The following PKD1L1 variants were observed in gnomAD, a reference collection of about 807,000 sequenced individuals.
PKD1L1 encodes the protein polycystin 1 like 1, transient receptor potential channel interacting.
A neutral mutation model predicts 323.4 loss-of-function variants in PKD1L1; 236 were observed. That is an observed-to-expected ratio of 0.73 (90% CI 0.66 to 0.81). PKD1L1 has a LOEUF of 0.81. PKD1L1 is among the 40% of genes least tolerant of loss of function. The pLI, the probability that PKD1L1 is intolerant of heterozygous loss-of-function variation, is 0.00. For missense variants in PKD1L1, 3,320 were observed against 3,508.0 expected (o/e 0.95, Z 1.35); for synonymous variants, 1,344 against 1,335.0 (o/e 1.01, Z -0.15).
intron 50 of PKD1L1, among the ~76,000 whole-genome samples, chr7:47,810,904 G>A (rs1057197089): frequency 7.2e-5 from 11 of 152,128 alleles, no homozygotes; most frequent in Non-Finnish European, 1.5e-4. Flanking sequence ...GTGGGGATGG[G>A]GCTCCTAAGG....
rs1445069219 is a variant in PKD1L1 at position 47,842,997 on chromosome 7, T to C, written c.5410A>G (p.Thr1804Ala). The part of the protein sequence containing the change: ...GHQLYAVVID[T>A]GFRAPARLTS... Reference sequence around the variant, plus strand: ...AACCTGGCCGGAGCTCGGAAGCCAGTGTCAATGACGACCGCATATAGCTGA... The same window carrying C: ...AACCTGGCCGGAGCTCGGAAGCCAGCGTCAATGACGACCGCATATAGCTGA... Residue 1804 changes from threonine to alanine, a missense_variant, in exon 34 of 57, where the codon ACT (threonine) becomes GCT (alanine). Transcript: ENST00000289672. The C allele has an allele frequency of 4.3e-6, 7 of 1,613,770 alleles. No individual in the cohort carries two copies. In the East Asian group the frequency reaches 1.1e-4, roughly 26 times the overall value.
In PKD1L1 at chr7:47,842,959, T is replaced by C; in HGVS notation, c.5445+3A>G. Reference sequence around the variant, plus strand: ...AAAGAGTACCCCCAGATGCTCGAGCTACCTTTGAGGTCAACCTGGCCGGAG... The same window carrying C: ...AAAGAGTACCCCCAGATGCTCGAGCCACCTTTGAGGTCAACCTGGCCGGAG... On this transcript the variant is annotated splice_donor_region_variant and intron_variant, in intron 34 of 56. Transcript: ENST00000289672. 6.2e-7 allele frequency: 1 copy of C among 1,610,180 alleles called. No individual in the cohort carries two copies. The highest frequency in any genetic ancestry group is 8.5e-7 in the Non-Finnish European group (1 of 1,178,268).
intron 4 of PKD1L1, among the ~76,000 whole-genome samples, chr7:47,934,994 C>T (rs1196577408): frequency 6.6e-6 from 1 of 152,102 alleles, no homozygotes; most frequent in Non-Finnish European, 1.5e-5. Flanking sequence ...AATGAGCTCC[C>T]GCAGAGGGAG....
chr7:47,815,490 C>G (rs1447349269), intron 46 of PKD1L1, 33 bp from the exon 47 acceptor site: 1 of 1,605,558 alleles, frequency 6.2e-7, no homozygotes, highest in Non-Finnish European at 8.5e-7. Flanking sequence ...AAAGTTGCTT[C>G]TGCATCAACA....
chr7:47,922,754 G>C (rs904067800), intron 7 of PKD1L1, among the ~76,000 whole-genome samples: 1 of 151,788 alleles, frequency 6.6e-6, no homozygotes, highest in African/African-American at 2.4e-5. Flanking sequence ...TGGGGAGGTG[G>C]GGGGCAGCCC....
At chr7:47,835,785 C>T (rs1365305266) in intron 37 of PKD1L1, among the ~76,000 whole-genome samples, 2 of 152,088 alleles carry the variant, frequency 1.3e-5, no homozygotes, top group African/African-American at 4.8e-5. Flanking sequence ...ATGATGGATA[C>T]AAGCAGAAGG....
At position 47,811,948 on chromosome 7, in the gene PKD1L1, G is replaced by A; in HGVS notation, c.7450C>T (p.Gln2484Ter). The A allele has an allele frequency of 6.2e-7, 1 of 1,603,808 alleles. No homozygotes were observed. Among genetic ancestry groups the A allele is most frequent in the Non-Finnish European group, 8.5e-7 (1 of 1,175,330 alleles). The change falls in exon 50 of 57, where the codon CAA (glutamine) becomes TAA (stop). Residue 2484 changes from glutamine to a stop codon, truncating the protein, a stop_gained. Coordinates refer to ENST00000289672, the MANE Select transcript of PKD1L1 (RefSeq NM_138295.5). LOFTEE classifies it high-confidence loss of function. The stretch of plus-strand genomic sequence containing the variant: ...CTCAGGGACACGCTGGTGAAGAGTT[G>A]GGTTGGAGGGTTATAGAGAGTGAAG... ...VHFTLYNPPT[Q>*]LFTSVSLRVE...
intron 56 of PKD1L1, among the ~76,000 whole-genome samples, chr7:47,786,787 C>T (rs1786816959): frequency 6.6e-6 from 1 of 152,184 alleles, no homozygotes. Flanking sequence ...AGGGCAAGAG[C>T]TCGGAGGTCC....
intron 7 of PKD1L1, among the ~76,000 whole-genome samples, chr7:47,926,641 G>C (rs1787660917): frequency 6.6e-6 from 1 of 152,142 alleles, no homozygotes; most frequent in Non-Finnish European, 1.5e-5. Flanking sequence ...ATACTAGTCA[G>C]TGTGAGTCTA....
At chr7:47,931,790 G>A in intron 5 of PKD1L1, 146 bp downstream of exon 5, 6 of 1,072,358 alleles carry the variant, frequency 5.6e-6, no homozygotes, top group Non-Finnish European at 8.0e-6. Flanking sequence ...AACTGCCTGA[G>A]CAGTGTCCAA....
chr7:47,915,308 G>T (rs867199010), intron 8 of PKD1L1, 124 bp downstream of exon 8: 42 of 614,578 alleles, frequency 6.8e-5, no homozygotes, highest in Middle Eastern at 8.4e-4. Flanking sequence ...ACAGGACACC[G>T]TAGCCCATAG....
intron 15 of PKD1L1, among the ~76,000 whole-genome samples, chr7:47,891,085 C>T (rs138839055): frequency 6.6e-6 from 1 of 152,166 alleles, no homozygotes; most frequent in South Asian, 2.1e-4. Flanking sequence ...TGCCACTTCC[C>T]AAGTCACACA....
intron 13 of PKD1L1, among the ~76,000 whole-genome samples, chr7:47,900,659 T>C (rs1787066342): frequency 6.6e-6 from 1 of 151,810 alleles, no homozygotes; most frequent in African/African-American, 2.4e-5. Flanking sequence ...ACCCAGGGGG[T>C]GGAGACTGCA....
chr7:47,902,309 A>T, intron 13 of PKD1L1, 70 bp downstream of exon 13: 1 of 1,568,718 alleles, frequency 6.4e-7, no homozygotes. Flanking sequence ...TCACCACTCC[A>T]AACAGTGGTC....
In PKD1L1 at chr7:47,858,662, G is replaced by C. The variant is rs777015337; in HGVS notation, c.4362+11C>G. On this transcript the variant is annotated intron_variant, in intron 27 of 56. Transcript: ENST00000289672. The stretch of plus-strand genomic sequence containing the variant: ...CAGTATTTTTATGGATGGAGAAAAA[G>C]TGTGACTTACCAACAATAAATCTGA... 2.5e-6 allele frequency: 4 copies of C among 1,600,244 alleles called. No homozygotes were observed. The highest frequency in any genetic ancestry group is 2.2e-5 in the East Asian group (1 of 44,780).
At chr7:47,825,281 G>A (rs1212469277) in intron 45 of PKD1L1, among the ~76,000 whole-genome samples, 4 of 150,808 alleles carry the variant, frequency 2.7e-5, no homozygotes, top group Non-Finnish European at 6.0e-5. Flanking sequence ...TATAATCCCA[G>A]CACTTTGGGA....
chr7:47,886,146 T>C lies in PKD1L1; in HGVS notation c.2837-92A>G, dbSNP rs12667012. On this transcript the variant is annotated intron_variant, in intron 17 of 56. Transcript: ENST00000289672. The stretch of plus-strand genomic sequence containing the variant: ...TACAGACTATGTAAGGATGCTATAT[T>C]ATAAACAAATCTGTTGTGAATTTGA... The C allele has an allele frequency of 3.2e-4, 461 of 1,452,110 alleles. 1 individual carries two copies. In the East Asian group the frequency reaches 0.01, roughly 33 times the overall value. 90.0% of individuals were successfully genotyped at this position (1,452,110 alleles called of 1,614,324 possible).
intron 37 of PKD1L1, 88 bp from the exon 38 acceptor site, chr7:47,835,331 T>C: frequency 2.7e-6 from 2 of 747,084 alleles, no homozygotes; most frequent in Non-Finnish European, 2.2e-6. Context: ...ATACATGTAA[T>C]GTGAATACAT....
chr7:47,778,886 T>G (rs757477397), intron 56 of PKD1L1, among the ~76,000 whole-genome samples: 3 of 152,186 alleles, frequency 2.0e-5, no homozygotes, highest in Non-Finnish European at 4.4e-5. Flanking sequence ...AGGCAGAACT[T>G]TTTATTCTGG....
Sources: gnomAD v4.1 joint callset for allele counts (sites outside exome capture counted in the v4.1 genomes callset) on GRCh38, gnomAD v4.1.1 for gene constraint, MANE v1.5 for transcripts, NCBI Gene and HGNC (gene_info 2026-07-23, HGNC 2026-07-21) for gene names.